SLC35B1: variants seen among roughly 807,000 people sequenced by gnomAD.
SLC35B1 encodes the protein ATP/ADP exchanger ER.
In SLC35B1, 27 loss-of-function variants were observed where a neutral mutation model predicts 36.6. The ratio of observed to expected loss-of-function variants is 0.74; its 90% CI spans 0.54 to 1.02. SLC35B1 has a LOEUF of 1.02. SLC35B1 is among the 50% of genes least tolerant of loss of function. The pLI is 0.00. For synonymous variants in SLC35B1, 162 were observed against 152.5 expected (o/e 1.06, Z -0.46); for missense variants, 321 against 383.2 (o/e 0.84, Z 1.35).
intron 4 of SLC35B1, 115 bp downstream of exon 4, chr17:49,705,751 C>T (rs2073407939): frequency 6.0e-6 from 6 of 992,400 alleles, no homozygotes; most frequent in Admixed American, 3.5e-5. Context: ...GGGGGAAAGT[C>T]CCTGGAGACA....
At chr17:49,705,734 G>A (rs2073407549) in intron 4 of SLC35B1, 132 bp downstream of exon 4, 1 of 836,172 alleles carries the variant, frequency 1.2e-6, no homozygotes, top group Non-Finnish European at 2.0e-6. Context: ...GGGCAGCAGG[G>A]AGAGCTGGGG....
chr17:49,705,250 C>A lies in SLC35B1; in HGVS notation c.402G>T (p.Lys134Asn). The A allele has an allele frequency of 6.2e-7, 1 of 1,614,188 alleles. No individual in the cohort carries two copies. Among genetic ancestry groups the A allele is most frequent in the Non-Finnish European group, 8.5e-7 (1 of 1,180,030 alleles). ...ACAGGTACTTGGCCAACGGGTACTT[C>A]TTCTTCAAGAGGGTCACCCCAAGGA... ...VMLLGVTLLK[K>N]KYPLAKYLCV... The change falls in exon 5 of 9, where the codon AAG becomes AAT. Residue 134 changes from lysine to asparagine, a missense_variant. Lys to Asn is a moderately conservative substitution (Grantham distance 94, BLOSUM62 0). Transcript: ENST00000240333.
intron 1 of SLC35B1, chr17:49,707,310 A>G: frequency 2.1e-6 from 3 of 1,446,886 alleles, no homozygotes; most frequent in Non-Finnish European, 2.7e-6. Context: ...GACGGAGAGG[A>G]AACATGCAGA....
At chr17:49,703,105 C>T in intron 7 of SLC35B1, 83 bp downstream of exon 7, 1 of 1,591,692 alleles carries the variant, frequency 6.3e-7, no homozygotes, top group Non-Finnish European at 8.6e-7. Context: ...TCTTGCCACC[C>T]TCTTCTTCCA....
Position 49,706,231 on chromosome 17 carries a change from T to C in SLC35B1, c.312A>G (p.Ala104=), listed in dbSNP as rs540386885. Residue 104 remains alanine, a synonymous_variant, in exon 3 of 9, where the codon GCA becomes GCG. Transcript: ENST00000240333. ...GAGTTGGGTAGTTGACAAACTGTAGTGCTGAATTGCTGGAGACCATGGCAC... is the reference window on the plus strand; with the variant it reads ...GAGTTGGGTAGTTGACAAACTGTAGCGCTGAATTGCTGGAGACCATGGCAC... The part of the protein sequence containing the change: ...YLGAMVSSNS[A]LQFVNYPTQV... 103 of 1,603,510 alleles carry C rather than the reference T, an allele frequency of 6.4e-5. No individual in the cohort carries two copies. The highest frequency in any genetic ancestry group is 8.4e-5 in the Non-Finnish European group (99 of 1,177,556).
chr17:49,701,999 G>A, intron 8 of SLC35B1: 3 of 297,466 alleles, frequency 1.0e-5, no homozygotes, highest in South Asian at 8.1e-5. Context: ...AGGCTGTGGT[G>A]GGTGGATCAC....
intron 8 of SLC35B1, 179 bp from the exon 9 acceptor site, chr17:49,701,689 A>G: frequency 1.7e-6 from 1 of 575,060 alleles, no homozygotes; most frequent in Non-Finnish European, 3.1e-6. Context: ...CCAGGATACT[A>G]GTTATTACAG....
At chr17:49,704,789 T>C (rs1283120546) in intron 5 of SLC35B1, among the ~76,000 whole-genome samples, 1 of 152,230 alleles carries the variant, frequency 6.6e-6, no homozygotes, top group Non-Finnish European at 1.5e-5. Flanking sequence ...TATCATATTA[T>C]TTTAAACTCT....
chr17:49,707,361 G>A (rs2073432230), intron 1 of SLC35B1: 1 of 1,429,374 alleles, frequency 7.0e-7, no homozygotes, highest in Admixed American at 2.1e-5. Flanking sequence ...GGAGGAGACG[G>A]TATTTCGGCT....
In SLC35B1 at chr17:49,707,867, C is replaced by T. The variant is rs769413888; in HGVS notation, c.-34G>A. ...CAGAGGAGCCGACTGGAGACCCGCT[C>T]ACAACCGGCACCGGCAGCAGCGGCG... is the stretch of plus-strand genomic sequence containing the variant. On this transcript the variant is annotated 5_prime_UTR_variant, in exon 1 of 9. An upstream open reading frame in the 5' UTR loses its in-frame stop. Transcript: ENST00000240333. The T allele has an allele frequency of 9.9e-6, 16 of 1,609,294 alleles. No individual in the cohort carries two copies. In the East Asian group the frequency reaches 3.6e-4, roughly 36 times the overall value.
chr17:49,705,008 G>C, intron 5 of SLC35B1, 116 bp downstream of exon 5: 1 of 986,968 alleles, frequency 1.0e-6, no homozygotes, highest in South Asian at 1.5e-5. Flanking sequence ...CAGATATGGG[G>C]ACAAGGAGCA....
In SLC35B1 at chr17:49,706,193, T is replaced by A. The variant is rs1284512626; in HGVS notation, c.339+11A>T. The A allele has an allele frequency of 6.3e-7, 1 of 1,594,592 alleles. No individual in the cohort carries two copies. The highest frequency in any genetic ancestry group is 1.4e-5 in the African/African-American group (1 of 72,770). ...ATCTGAGCCAACCATCATCCCACCC[T>A]GAGGTTTCACCTGAGTTGGGTAGTT... On this transcript the variant is annotated intron_variant, in intron 3 of 8. Coordinates refer to ENST00000240333, the MANE Select transcript of SLC35B1 (RefSeq NM_005827.4).
Position 49,706,344 on chromosome 17 carries a change from GACAA to G in SLC35B1, c.209-14_209-11del. The G allele has an allele frequency of 8.1e-6, 2 of 248,106 alleles. No individual in the cohort carries two copies. The highest frequency in any genetic ancestry group is 3.3e-4 in the South Asian group (1 of 2,990). 15.4% of individuals were successfully genotyped at this position (248,106 alleles called of 1,614,324 possible). A position where few individuals can be genotyped will look rare whatever the true frequency, so the allele number is the denominator to read the frequency against. ...TCAAAAAACTGGATCACTGGGAGAA[GACAA>G]AAAAAAAAAAAAAAAAAGAAAAGAA... On this transcript the variant is annotated splice_polypyrimidine_tract_variant and intron_variant, in intron 2 of 8. Transcript: ENST00000240333.
chr17:49,706,394 A>C, intron 2 of SLC35B1, 60 bp from the exon 3 acceptor site: 7 of 1,379,782 alleles, frequency 5.1e-6, no homozygotes, highest in Non-Finnish European at 5.7e-6. Flanking sequence ...AAAAAAAACA[A>C]GAGAAACCTG....
chr17:49,704,615 T>C (rs953923008), intron 5 of SLC35B1, among the ~76,000 whole-genome samples: 2 of 152,190 alleles, frequency 1.3e-5, no homozygotes, highest in African/African-American at 2.4e-5. Flanking sequence ...ACTCTACCAC[T>C]TCAAATAGCC....
Position 49,705,893 on chromosome 17 carries a change from G to C in SLC35B1, c.343C>G (p.Leu115Val), listed in dbSNP as rs375938999. The C allele has an allele frequency of 1.8e-5, 29 of 1,613,870 alleles. No individual in the cohort carries two copies. The highest frequency in any genetic ancestry group is 2.5e-5 in the Non-Finnish European group (29 of 1,179,908). The change falls in exon 4 of 9, where the codon CTT (leucine) becomes GTT (valine). Residue 115 changes from leucine to valine, a missense_variant. Coordinates refer to ENST00000240333, the MANE Select transcript of SLC35B1 (RefSeq NM_005827.4). ...LQFVNYPTQV[L>V]GKSCKPIPVM... is the part of the protein sequence containing the mutation. ...GGGATTGGCTTGCAGGATTTACCAA[G>C]GACCTGAAATTAAATCCAGCAAATA...
chr17:49,706,065 G>T, intron 3 of SLC35B1, 139 bp downstream of exon 3: 1 of 1,310,248 alleles, frequency 7.6e-7, no homozygotes, highest in Non-Finnish European at 1.0e-6. Context: ...TAAGTTCTAT[G>T]GTTCTATACA....
intron 1 of SLC35B1, chr17:49,707,422 C>A: frequency 6.9e-7 from 1 of 1,447,498 alleles, no homozygotes; most frequent in Non-Finnish European, 9.2e-7. Context: ...TCTGGGAGTA[C>A]CAAAAGGGGG....
At position 49,707,722 on chromosome 17, in the gene SLC35B1, T is replaced by G. The variant is rs762933683; in HGVS notation, c.104+8A>C. On this transcript the variant is annotated splice_region_variant and intron_variant, in intron 1 of 8. Coordinates refer to ENST00000240333, the MANE Select transcript of SLC35B1 (RefSeq NM_005827.4). Reference sequence around the variant, plus strand: ...AGAGACTGTCGGCCCGCCCCCGGGGTCGCTCACATCTTTTCCTGCAGGATC... The same window carrying G: ...AGAGACTGTCGGCCCGCCCCCGGGGGCGCTCACATCTTTTCCTGCAGGATC... The G allele has an allele frequency of 1.5e-5, 24 of 1,608,920 alleles. No individual in the cohort carries two copies. The highest frequency in any genetic ancestry group is 1.7e-5 in the Admixed American group (1 of 59,652).
Sources: allele counts gnomAD v4.1 joint callset (sites outside exome capture counted in the v4.1 genomes callset), GRCh38; gene constraint gnomAD v4.1.1; transcripts MANE v1.5; gene names NCBI Gene and HGNC (gene_info 2026-07-23, HGNC 2026-07-21).